The following SUDS3 variants were observed in gnomAD, a reference collection of about 807,000 sequenced individuals.
The protein encoded by SUDS3 is SIN3A corepressor complex component SDS3, also known as sin3 histone deacetylase corepressor complex component SDS3.
A neutral mutation model predicts 53.5 loss-of-function variants in SUDS3; 23 were observed. The ratio of observed to expected loss-of-function variants is 0.43; its 90% CI spans 0.31 to 0.61. The LOEUF is 0.61. Among genes scored for constraint, SUDS3 ranks in the 20% least tolerant of loss-of-function variants. The pLI is 0.10. For synonymous variants in SUDS3, 150 were observed against 148.5 expected (o/e 1.01, Z -0.08); for missense variants, 291 against 405.9 (o/e 0.72, Z 2.43).
At chr12:118,383,869 GC>G in intron 2 of SUDS3, 142 bp from the exon 3 acceptor site, 1 of 670,442 alleles carries the variant, frequency 1.5e-6, no homozygotes, top group Non-Finnish European at 2.5e-6. Flanking sequence ...TTTTAAGCCA[GC>G]AAGCAGACTT....
chr12:118,378,699 G>T (rs1319918793), intron 1 of SUDS3, among the ~76,000 whole-genome samples: 1 of 151,534 alleles, frequency 6.6e-6, no homozygotes, highest in Non-Finnish European at 1.5e-5. Context: ...TTTTGAGATG[G>T]AGTTTCACTC....
At chr12:118,411,735 C>G (rs1238805033) in intron 11 of SUDS3, among the ~76,000 whole-genome samples, 1 of 151,838 alleles carries the variant, frequency 6.6e-6, no homozygotes, top group Non-Finnish European at 1.5e-5. Flanking sequence ...ACTCCTGACC[C>G]CGTGGTCTAC....
chr12:118,400,612 C>G (rs1366308310), intron 6 of SUDS3, 47 bp from the exon 7 acceptor site: 1 of 1,567,846 alleles, frequency 6.4e-7, no homozygotes, highest in Admixed American at 1.7e-5. Context: ...TTCTTACTGA[C>G]TTCAAGTGGG....
chr12:118,401,925 C>T, intron 8 of SUDS3, 58 bp from the exon 9 acceptor site: 1 of 1,607,850 alleles, frequency 6.2e-7, no homozygotes, highest in Non-Finnish European at 8.5e-7. Context: ...CCTTTGACAC[C>T]TGAAGTTGCA....
At chr12:118,383,634 A>C (rs986444067) in intron 2 of SUDS3, among the ~76,000 whole-genome samples, 4 of 152,240 alleles carry the variant, frequency 2.6e-5, no homozygotes, top group African/African-American at 9.6e-5. Context: ...TGTAACTTAC[A>C]ATCTAATTGT....
intron 4 of SUDS3, among the ~76,000 whole-genome samples, chr12:118,387,858 CAT>C (rs1460267905): frequency 2.0e-5 from 3 of 152,280 alleles, no homozygotes; most frequent in East Asian, 1.9e-4. Context: ...GCCCGGCCCT[CAT>C]GTGTTCTTTC....
At chr12:118,405,187 C>T (rs1003319075) in intron 10 of SUDS3, among the ~76,000 whole-genome samples, 3 of 152,140 alleles carry the variant, frequency 2.0e-5, no homozygotes, top group South Asian at 2.1e-4. Context: ...ACCAAATAAC[C>T]TTTAAAGATC....
rs936164507 is a variant in SUDS3 at position 118,416,696 on chromosome 12, T to C, written c.*2263T>C. 7 of 152,318 alleles carry C rather than the reference T, an allele frequency of 4.6e-5. No individual in the cohort carries two copies. The highest frequency in any genetic ancestry group is 1.7e-4 in the African/African-American group (7 of 41,576). The allele number at this position is 152,318 out of a possible 1,614,324, so 9.4% of individuals were successfully genotyped here. ...GCAGTTGAAGCCTGACAGGCCTCAG[T>C]GGTGACCAGGAACAGAAGCAGCCTT... On this transcript the variant is annotated 3_prime_UTR_variant, in exon 12 of 12. Transcript: ENST00000543473.
chr12:118,406,989 C>G (rs1373448945), intron 10 of SUDS3, among the ~76,000 whole-genome samples: 4 of 151,842 alleles, frequency 2.6e-5, no homozygotes, highest in Non-Finnish European at 5.9e-5. Flanking sequence ...CTTGATCCCC[C>G]TGGCTCAAGC....
At chr12:118,382,555 C>G (rs1280784017) in intron 2 of SUDS3, among the ~76,000 whole-genome samples, 1 of 152,002 alleles carries the variant, frequency 6.6e-6, no homozygotes, top group Non-Finnish European at 1.5e-5. Context: ...TTAGTAGAAA[C>G]TAGGTCTCAC....
intron 2 of SUDS3, 70 bp from the exon 3 acceptor site, chr12:118,383,942 G>A (rs534080351): frequency 8.8e-5 from 125 of 1,413,922 alleles, no homozygotes; most frequent in Admixed American, 3.8e-4. Context: ...GCTAATTTCT[G>A]TGAGTAGGTT....
At chr12:118,409,663 T>C (rs900144032) in intron 10 of SUDS3, among the ~76,000 whole-genome samples, 1 of 152,264 alleles carries the variant, frequency 6.6e-6, no homozygotes, top group Non-Finnish European at 1.5e-5. Flanking sequence ...CTGGGAGATG[T>C]GTTTTACTAA....
At chr12:118,387,213 C>T (rs117370118) in intron 4 of SUDS3, among the ~76,000 whole-genome samples, 1 of 152,148 alleles carries the variant, frequency 6.6e-6, no homozygotes, top group African/African-American at 2.4e-5. Flanking sequence ...GCTGTTACCC[C>T]CTTTCTACTC....
chr12:118,403,406 C>T lies in SUDS3; in HGVS notation c.698-6C>T, dbSNP rs777650637. ...TCTTAGTCACGTAAGTATTGGTTTCCTCCAGCATCTCCATCCTCTCCTGAG... is the reference window on the plus strand; with the variant it reads ...TCTTAGTCACGTAAGTATTGGTTTCTTCCAGCATCTCCATCCTCTCCTGAG... On this transcript the variant is annotated splice_region_variant and splice_polypyrimidine_tract_variant and intron_variant, in intron 9 of 11. Transcript: ENST00000543473. 9 of 1,611,736 alleles carry T rather than the reference C, an allele frequency of 5.6e-6. No individual in the cohort carries two copies. The highest frequency in any genetic ancestry group is 5.9e-6 in the Non-Finnish European group (7 of 1,178,806).
At chr12:118,385,371 A>T (rs2046105827) in intron 3 of SUDS3, among the ~76,000 whole-genome samples, 1 of 152,134 alleles carries the variant, frequency 6.6e-6, no homozygotes, top group Non-Finnish European at 1.5e-5. Flanking sequence ...AGCCTCTCAA[A>T]GTGCTGGGAT....
Position 118,376,779 on chromosome 12 carries a change from C to T in SUDS3, c.88C>T (p.Leu30=). The T allele has an allele frequency of 6.4e-7, 1 of 1,553,638 alleles. No individual in the cohort carries two copies. The change falls in exon 1 of 12, where the codon CTG becomes TTG. Residue 30 remains leucine (L), a synonymous_variant. Transcript: ENST00000543473. ...PEYYPEEDEE[L]ESAEDDERSC... ...GTACTACCCCGAGGAGGATGAAGAG[C>T]TGGAGAGCGCCGAGGACGACGAGCG...
At chr12:118,386,299 C>G in intron 4 of SUDS3, 114 bp downstream of exon 4, 8 of 829,968 alleles carry the variant, frequency 9.6e-6, no homozygotes, top group Middle Eastern at 2.3e-4. Context: ...GATACTCTGT[C>G]AGGGAGAGTT....
chr12:118,395,680 T>C lies in SUDS3; in HGVS notation c.517+4398T>C, dbSNP rs573820919. Among the ~76,000 whole-genome samples the C allele has an allele frequency of 1.5e-3, 226 of 152,086 alleles. 1 individual carries two copies. Among genetic ancestry groups the C allele is most frequent in the South Asian group, 2.7e-3 (13 of 4,814 alleles). Reference sequence around the variant, plus strand: ...TTGGCCTCCAAAGACCTAACATTAATTCTTGTGGATTGATTGATTGATTGA... The same window carrying C: ...TTGGCCTCCAAAGACCTAACATTAACTCTTGTGGATTGATTGATTGATTGA... On this transcript the variant is annotated intron_variant, in intron 6 of 11. Coordinates refer to ENST00000543473, the MANE Select transcript of SUDS3 (RefSeq NM_022491.3).
chr12:118,403,457 C>T lies in SUDS3; in HGVS notation c.743C>T (p.Ser248Phe), dbSNP rs1339163832. The T allele has an allele frequency of 1.2e-6, 2 of 1,613,826 alleles. No homozygotes were observed. Among genetic ancestry groups the T allele is most frequent in the Non-Finnish European group, 1.7e-6 (2 of 1,179,864 alleles). Residue 248 changes from serine (S) to phenylalanine (F), a missense_variant, in exon 10 of 12, where the codon TCT becomes TTT. Ser to Phe is a radical substitution (Grantham distance 155). Around this residue, in one of 4 missense-constraint regions of SUDS3, gnomAD observed 77 missense variants for 87.1 expected, o/e 0.88. Coordinates refer to ENST00000543473, the MANE Select transcript of SUDS3 (RefSeq NM_022491.3). The part of the protein sequence containing the change: ...PEHLPATPAE[S>F]PAQRFEARIE... ...CACTTGCCTGCAACACCCGCGGAAT[C>T]TCCAGCCCAGAGGTTCGAAGCTCGG...
Sources: gnomAD v4.1 joint callset for allele counts (sites outside exome capture counted in the v4.1 genomes callset) on GRCh38, gnomAD v4.1.1 for gene constraint, gnomAD v4.1.1 regional missense constraint, MANE v1.5 for transcripts, NCBI Gene and HGNC (gene_info 2026-07-23, HGNC 2026-07-21) for gene names.